The following CTNND2 variants were observed in gnomAD, a reference collection of about 807,000 sequenced individuals.
CTNND2 encodes the protein catenin delta 2, also known as catenin delta-2.
CTNND2 carries 22 observed loss-of-function variants against 144.4 expected under a neutral mutation model. That is an observed-to-expected ratio of 0.15 (90% confidence interval 0.11 to 0.22). The LOEUF is 0.22. CTNND2 is among the 10% of genes least tolerant of loss of function. The pLI is 1.00. For missense variants in CTNND2, 1,353 were observed against 1,618.8 expected, an observed-to-expected ratio of 0.84 and a Z score of 2.82; for synonymous variants, 751 against 695.6, an observed-to-expected ratio of 1.08 and a Z score of -1.25.
intron 3 of CTNND2, among the ~76,000 whole-genome samples, chr5:11,478,235 T>G (rs1181142215): frequency 1.3e-5 from 2 of 152,232 alleles, no homozygotes; most frequent in Non-Finnish European, 2.9e-5. Flanking sequence ...TTTATCAATT[T>G]GTATCCATTT....
chr5:11,659,483 T>C (rs1201912995), intron 2 of CTNND2, among the ~76,000 whole-genome samples: 3 of 152,156 alleles, frequency 2.0e-5, no homozygotes, highest in African/African-American at 7.2e-5. Context: ...CATCATTCTC[T>C]TGTCTGGTGC....
At chr5:11,283,673 CAAAAAAAAAAAAAAAAAAA>C (rs70947250) in intron 9 of CTNND2, among the ~76,000 whole-genome samples, 8 of 31,592 alleles carry the variant, frequency 2.5e-4, no homozygotes, top group African/African-American at 9.8e-4. Flanking sequence ...GACTCCGTCT[CAAAAAAAAAAAAAAAAAAA>C]AAAAAAAAAA....
intron 11 of CTNND2, among the ~76,000 whole-genome samples, chr5:11,165,322 C>T (rs1759206461): frequency 6.6e-6 from 1 of 152,022 alleles, no homozygotes; most frequent in South Asian, 2.1e-4. Flanking sequence ...ATATTAACTC[C>T]CTGATAATTC....
At chr5:11,167,101 G>A (rs1400673895) in intron 11 of CTNND2, among the ~76,000 whole-genome samples, 6 of 152,242 alleles carry the variant, frequency 3.9e-5, no homozygotes, top group South Asian at 2.1e-4. Flanking sequence ...CACAAAGGTC[G>A]ATTCTTTTAG....
chr5:11,464,200 C>G (rs1336200131), intron 3 of CTNND2, among the ~76,000 whole-genome samples: 1 of 152,156 alleles, frequency 6.6e-6, no homozygotes, highest in Non-Finnish European at 1.5e-5. Flanking sequence ...AAAAATTCTT[C>G]CATTTGTAGT....
intron 9 of CTNND2, among the ~76,000 whole-genome samples, chr5:11,257,596 A>G (rs373828220): frequency 5.9e-5 from 9 of 152,320 alleles, no homozygotes; most frequent in African/African-American, 2.2e-4. Context: ...ATTATCAATG[A>G]GAACAGCATG....
chr5:11,892,833 C>T (rs143548910), intron 1 of CTNND2, among the ~76,000 whole-genome samples: 86 of 152,284 alleles, frequency 5.6e-4, no homozygotes, highest in African/African-American at 1.9e-3. Context: ...TCAGTGAACA[C>T]GACGAAATCT....
At chr5:11,844,946 G>T (rs1416629147) in intron 1 of CTNND2, among the ~76,000 whole-genome samples, 1 of 152,064 alleles carries the variant, frequency 6.6e-6, no homozygotes, top group African/African-American at 2.4e-5. Context: ...ACTGGCGGAG[G>T]GGGGCAGGGG....
intron 3 of CTNND2, chr5:11,508,464 A>C (rs1771292165): frequency 6.6e-6 from 1 of 152,212 alleles, no homozygotes; most frequent in Non-Finnish European, 1.5e-5. Flanking sequence ...GCAAACGAGA[A>C]AATTCATTTC....
chr5:11,256,218 C>T (rs1035194246), intron 9 of CTNND2, among the ~76,000 whole-genome samples: 1 of 152,168 alleles, frequency 6.6e-6, no homozygotes, highest in Non-Finnish European at 1.5e-5. Context: ...AACTCCTTTC[C>T]TAATGACAAA....
In CTNND2 at chr5:11,167,666, T is replaced by C. The variant is rs562125896; in HGVS notation, c.1976-7907A>G. Reference sequence around the variant, plus strand: ...AGTTTAGATCAAGATGATAAACATTTAGATGGCAAGAAGCCAGAAGTCATA... The same window carrying C: ...AGTTTAGATCAAGATGATAAACATTCAGATGGCAAGAAGCCAGAAGTCATA... On this transcript the variant is annotated intron_variant, in intron 11 of 21. Coordinates refer to ENST00000304623, the MANE Select transcript of CTNND2 (RefSeq NM_001332.4). Among the ~76,000 whole-genome samples the C allele has an allele frequency of 2.0e-5, 3 of 151,800 alleles. No homozygotes were observed. The East Asian group carries it at 5.8e-4, about 29-fold the overall frequency.
chr5:11,626,226 C>T (rs185887149), intron 2 of CTNND2, among the ~76,000 whole-genome samples: 1 of 152,316 alleles, frequency 6.6e-6, no homozygotes, highest in East Asian at 1.9e-4. Flanking sequence ...TTGATGCCAA[C>T]TTGTCTACCT....
At chr5:11,115,227 G>A (rs1160786214) in intron 13 of CTNND2, among the ~76,000 whole-genome samples, 7 of 152,240 alleles carry the variant, frequency 4.6e-5, no homozygotes, top group Non-Finnish European at 1.0e-4. Flanking sequence ...CAGGTTTTAG[G>A]AATCTGGTCA....
chr5:11,693,251 C>T (rs1376106653), intron 2 of CTNND2, among the ~76,000 whole-genome samples: 2 of 152,172 alleles, frequency 1.3e-5, no homozygotes, highest in African/African-American at 4.8e-5. Flanking sequence ...GTACCTTGAT[C>T]AAAGATTTCC....
chr5:11,456,384 C>G (rs1468081067), intron 3 of CTNND2, among the ~76,000 whole-genome samples: 2 of 151,480 alleles, frequency 1.3e-5, no homozygotes, highest in Non-Finnish European at 1.5e-5. Context: ...TTAAAAACAC[C>G]CTCTAGTTTT....
intron 1 of CTNND2, among the ~76,000 whole-genome samples, chr5:11,846,939 A>C (rs1794765133): frequency 6.6e-6 from 1 of 151,788 alleles, no homozygotes; most frequent in South Asian, 2.1e-4. Flanking sequence ...AAAGACAAAA[A>C]ATAAATGCTG....
intron 1 of CTNND2, among the ~76,000 whole-genome samples, chr5:11,889,379 C>T (rs1290496029): frequency 6.6e-6 from 1 of 152,182 alleles, no homozygotes; most frequent in African/African-American, 2.4e-5. Context: ...AGATGCACAA[C>T]TATGTAGCCA....
At chr5:11,793,906 GAC>G (rs1429610448) in intron 1 of CTNND2, among the ~76,000 whole-genome samples, 3 of 152,324 alleles carry the variant, frequency 2.0e-5, no homozygotes, top group African/African-American at 7.2e-5. Context: ...TTCCTCATGT[GAC>G]AGTTTTCATA....
intron 2 of CTNND2, among the ~76,000 whole-genome samples, chr5:11,673,005 G>T (rs78970382): frequency 6.6e-6 from 1 of 152,230 alleles, no homozygotes; most frequent in African/African-American, 2.4e-5. Flanking sequence ...CCCACCTTTT[G>T]CATCGATCTT....
Sources: gnomAD v4.1 joint callset for allele counts (sites outside exome capture counted in the v4.1 genomes callset) on GRCh38, gnomAD v4.1.1 for gene constraint, MANE v1.5 for transcripts, NCBI Gene and HGNC (gene_info 2026-07-23, HGNC 2026-07-21) for gene names.